Variants in GLB1 observed in about 807,000 individuals in gnomAD.
The protein encoded by GLB1 is beta-galactosidase.
A neutral mutation model predicts 74.0 loss-of-function variants in GLB1; 56 were observed. That is an observed-to-expected ratio of 0.76 (90% CI 0.61 to 0.94). GLB1 has a LOEUF of 0.94. Among genes scored for constraint, GLB1 ranks in the 40% least tolerant of loss-of-function variants. The probability of loss-of-function intolerance (pLI) is 0.00; values close to 1 mark genes in which losing one functional copy is unlikely to be tolerated. For synonymous variants in GLB1, 323 were observed against 323.6 expected (o/e 1.00, Z 0.02); for missense variants, 787 against 845.5 (o/e 0.93, Z 0.86).
At chr3:33,080,901 G>C (rs1700298812) in intron 1 of GLB1, among the ~76,000 whole-genome samples, 1 of 152,200 alleles carries the variant, frequency 6.6e-6, no homozygotes. Context: ...TCTCATGAAT[G>C]TCAAATAGCA....
chr3:33,018,484 A>G lies in GLB1; in HGVS notation c.1311T>C (p.Asn437=). 6.2e-7 allele frequency: 1 copy of G among 1,614,034 alleles called. No individual in the cohort carries two copies. Among genetic ancestry groups the G allele is most frequent in the Non-Finnish European group, 8.5e-7 (1 of 1,179,996 alleles). Residue 437 remains asparagine (N), a synonymous_variant, in exon 13 of 16, where the codon AAT becomes AAC. Transcript: ENST00000307363. The part of the protein sequence containing the change: ...SNPAPLSSPL[N]GVHDRAYVAV... Reference sequence around the variant, plus strand: ...CAACATATGCTCGATCGTGGACTCCATTGAGGGGTGAAGAGAGAGGTGCTG... The same window carrying G: ...CAACATATGCTCGATCGTGGACTCCGTTGAGGGGTGAAGAGAGAGGTGCTG...
intron 14 of GLB1, among the ~76,000 whole-genome samples, chr3:33,016,252 G>C (rs1455914814): frequency 2.6e-5 from 4 of 152,178 alleles, no homozygotes; most frequent in Non-Finnish European, 4.4e-5. Context: ...TCCTCCTTCT[G>C]TTTCTTTCTA....
Position 32,996,933 on chromosome 3 carries a change from A to G in GLB1, c.*112T>C, listed in dbSNP as rs1333695455. ...AGGGAAACCTCAGGTGAAAATGCAC[A>G]TCCTAAATTCCTTTTCCATTTCCAC... is the stretch of plus-strand genomic sequence containing the variant. On this transcript the variant is annotated 3_prime_UTR_variant, in exon 16 of 16. Transcript: ENST00000307363. 1.3e-6 allele frequency: 2 copies of G among 1,594,962 alleles called. No homozygotes were observed. Among genetic ancestry groups the G allele is most frequent in the Non-Finnish European group, 1.7e-6 (2 of 1,168,640 alleles).
At chr3:33,078,330 T>A (rs1220202622) in intron 1 of GLB1, among the ~76,000 whole-genome samples, 1 of 152,224 alleles carries the variant, frequency 6.6e-6, no homozygotes, top group Non-Finnish European at 1.5e-5. Flanking sequence ...GCTATAATCA[T>A]CAATAGATGC....
chr3:33,047,979 C>T (rs1238032089), intron 9 of GLB1, among the ~76,000 whole-genome samples: 1 of 152,102 alleles, frequency 6.6e-6, no homozygotes, highest in Admixed American at 6.5e-5. Context: ...ACATCCGTTG[C>T]TGCAAGGAAC....
chr3:33,061,864 G>C (rs1206853019), intron 5 of GLB1: 2 of 152,198 alleles, frequency 1.3e-5, no homozygotes, highest in African/African-American at 4.8e-5. Context: ...CACTGGCTCA[G>C]CTAATCCCCC....
chr3:33,055,521 C>T (rs1248739541), intron 6 of GLB1, among the ~76,000 whole-genome samples: 14 of 143,638 alleles, frequency 9.7e-5, no homozygotes, highest in East Asian at 2.1e-4. Flanking sequence ...AGTGTAGTGG[C>T]GCAATCTCAG....
chr3:33,024,159 C>T, intron 11 of GLB1, 92 bp downstream of exon 11: 1 of 1,404,478 alleles, frequency 7.1e-7, no homozygotes, highest in Non-Finnish European at 9.8e-7. Flanking sequence ...GAACCAATTC[C>T]TCCAGCACAG....
intron 10 of GLB1, chr3:33,029,956 G>GAAAAAA (rs55651344): frequency 5.4e-5 from 7 of 130,178 alleles, no homozygotes; most frequent in African/African-American, 5.8e-5. Flanking sequence ...TAAAAGTTAA[G>GAAAAAA]AAAAAAAAAA....
chr3:32,983,278 T>C, the GLB1 span, among the ~76,000 whole-genome samples: 32 of 152,208 alleles, frequency 2.1e-4, no homozygotes, highest in African/African-American at 7.7e-4. Flanking sequence ...TCTAAACCTT[T>C]CTTTCATGTT....
intron 10 of GLB1, among the ~76,000 whole-genome samples, chr3:33,038,297 G>A (rs1009668941): frequency 1.3e-5 from 2 of 152,136 alleles, no homozygotes; most frequent in South Asian, 2.1e-4. Flanking sequence ...GTGGATGATC[G>A]ACAGATCTCA....
Position 33,030,428 on chromosome 3 carries a change from T to G in GLB1, c.1069-6103A>C, listed in dbSNP as rs1025526733. On this transcript the variant is annotated intron_variant, in intron 10 of 15. Transcript: ENST00000307363. ...GAGAGCAGGTGACACTTTAAAAGAC[T>G]ATTTAACAGTTGCTAAGTAATATTG... is the stretch of plus-strand genomic sequence containing the variant. 3.9e-5 allele frequency: 35 copies of G among 901,152 alleles called. No individual in the cohort carries two copies. The African/African-American group carries it at 5.9e-4, about 15-fold the overall frequency. The allele number at this position is 901,152 out of a possible 1,614,324, so 55.8% of individuals were successfully genotyped here. A position where few individuals can be genotyped will look rare whatever the true frequency, so the allele number is the denominator to read the frequency against.
At chr3:32,988,853 T>C in the GLB1 span, among the ~76,000 whole-genome samples, 1 of 152,122 alleles carries the variant, frequency 6.6e-6, no homozygotes, top group African/African-American at 2.4e-5. Flanking sequence ...CTGTTTTTTT[T>C]TTCTACAAGC....
intron 15 of GLB1, among the ~76,000 whole-genome samples, chr3:33,008,175 T>A (rs1696860688): frequency 6.6e-6 from 1 of 151,986 alleles, no homozygotes. Context: ...TCTACTGCAT[T>A]AGGAGGGGAG....
At chr3:32,979,851 CA>C in the GLB1 span, among the ~76,000 whole-genome samples, 1,174 of 25,200 alleles carry the variant, frequency 0.047, 8 homozygotes, top group African/African-American at 0.14. Flanking sequence ...GACCCTGTCT[CA>C]AAAAAAAAAA....
intron 10 of GLB1, among the ~76,000 whole-genome samples, chr3:33,032,227 C>T (rs1392715650): frequency 3.3e-5 from 5 of 152,200 alleles, no homozygotes; most frequent in Non-Finnish European, 7.3e-5. Context: ...GCAGTCTCAA[C>T]CTCTCCCTGG....
intron 10 of GLB1, chr3:33,034,531 C>G: frequency 1.4e-6 from 1 of 732,374 alleles, no homozygotes; most frequent in Non-Finnish European, 2.5e-6. Flanking sequence ...CCACCAGCAC[C>G]ATTGCCAGCT....
chr3:33,031,672 T>A (rs546036787), intron 10 of GLB1, among the ~76,000 whole-genome samples: 2 of 114,856 alleles, frequency 1.7e-5, no homozygotes, highest in South Asian at 5.9e-4. Context: ...TATATATATA[T>A]ATAATCTCCA....
chr3:33,021,585 G>T lies in GLB1; in HGVS notation c.1214C>A (p.Thr405Lys), dbSNP rs746246042. ...SGPIKSLYPL[T>K]FIQVKQHYGF... ...GCCTACCTGTTTCACCTGGATAAAT[G>T]TCAAGGGATAAAGGCTTTTGATGGG... Residue 405 changes from threonine to lysine, a missense_variant, in exon 12 of 16, where the codon ACA becomes AAA. Thr to Lys is a moderately conservative substitution (Grantham distance 78). Coordinates refer to ENST00000307363, the MANE Select transcript of GLB1 (RefSeq NM_000404.4). 1.2e-6 allele frequency: 2 copies of T among 1,614,036 alleles called. No homozygotes were observed. Among genetic ancestry groups the T allele is most frequent in the Non-Finnish European group, 1.7e-6 (2 of 1,179,990 alleles).
Sources: allele counts gnomAD v4.1 joint callset (sites outside exome capture counted in the v4.1 genomes callset), GRCh38; gene constraint gnomAD v4.1.1; transcripts MANE v1.5; gene names NCBI Gene and HGNC (gene_info 2026-07-23, HGNC 2026-07-21).